Variants in TRIM21 observed in about 807,000 individuals in gnomAD.
TRIM21 encodes tripartite motif containing 21, also known as E3 ubiquitin-protein ligase TRIM21.
TRIM21 carries 35 observed loss-of-function variants against 36.1 expected under a neutral mutation model. The ratio of observed to expected loss-of-function variants is 0.97; its 90% confidence interval spans 0.74 to 1.28. TRIM21 has a LOEUF of 1.28. Among genes scored for constraint, TRIM21 ranks in the 50% most tolerant of loss-of-function variants. The pLI is 0.00. For missense variants in TRIM21, 635 were observed against 570.7 expected (o/e 1.11, Z -1.15); for synonymous variants, 256 against 211.5 (o/e 1.21, Z -1.83).
chr11:4,385,147 C>T lies in TRIM21; in HGVS notation c.*138G>A. ...AGGAATGTTGATGGTGAAGTGACTT[C>T]CCTGCTAAAGCTCGCTTGCTGGGAT... is the stretch of plus-strand genomic sequence containing the variant. On this transcript the variant is annotated 3_prime_UTR_variant, in exon 7 of 7. Transcript: ENST00000254436. The T allele has an allele frequency of 1.3e-6, 1 of 785,496 alleles. No homozygotes were observed. The highest frequency in any genetic ancestry group is 2.0e-5 in the South Asian group (1 of 49,900). 48.7% of individuals were successfully genotyped at this position (785,496 alleles called of 1,614,324 possible). A position where few individuals can be genotyped will look rare whatever the true frequency, so the allele number is the denominator to read the frequency against.
In TRIM21 at chr11:4,385,323, G is replaced by T; in HGVS notation, c.1390C>A (p.Pro464Thr). The change falls in exon 7 of 7, where the codon CCA (proline) becomes ACA (threonine). Residue 464 changes from proline to threonine, a missense_variant. Coordinates refer to ENST00000254436, the MANE Select transcript of TRIM21 (RefSeq NM_003141.4). Reference protein sequence around the residue: ...GKNTAPLTLCPLNIGSQGSTD... With the variant: ...GKNTAPLTLCTLNIGSQGSTD... ...GATCCTTGTGATCCAATATTCAGTG[G>T]ACAGAGGGTTAGAGGGGCTGTGTTT... 6.2e-7 allele frequency: 1 copy of T among 1,613,244 alleles called. No homozygotes were observed. The highest frequency in any genetic ancestry group is 8.5e-7 in the Non-Finnish European group (1 of 1,179,826).
intron 6 of TRIM21, 56 bp downstream of exon 6, chr11:4,386,101 A>T: frequency 6.4e-7 from 1 of 1,556,016 alleles, no homozygotes; most frequent in Non-Finnish European, 8.8e-7. Context: ...AGGCTCCCTG[A>T]CCCTGGGATC....
chr11:4,386,135 G>A (rs760050565), intron 6 of TRIM21, 22 bp downstream of exon 6: 78 of 1,609,496 alleles, frequency 4.8e-5, no homozygotes, highest in South Asian at 2.4e-4. Context: ...ATTATCCCCC[G>A]CAAAACTAGA....
chr11:4,387,048 C>T (rs1475673123), intron 4 of TRIM21, 58 bp from the exon 5 acceptor site: 7 of 1,536,294 alleles, frequency 4.6e-6, no homozygotes, highest in African/African-American at 2.7e-5. Flanking sequence ...ACTGAGACAT[C>T]AGCCCTGTGG....
rs556551431 is a variant in TRIM21, at chr11:4,385,305, G to T, written c.1408C>A (p.Gln470Lys). ...AGCCATCAATAGTCAGTGGATCCTT[G>T]TGATCCAATATTCAGTGGACAGAGG... Reference protein sequence around the residue: ...LTLCPLNIGSQGSTDY With the variant: ...LTLCPLNIGSKGSTDY Residue 470 changes from glutamine (Q) to lysine (K), a missense_variant, in exon 7 of 7, where the codon CAA becomes AAA. Transcript: ENST00000254436. 52 of 1,612,276 alleles carry T rather than the reference G, an allele frequency of 3.2e-5. No individual in the cohort carries two copies. Among genetic ancestry groups the T allele is most frequent in the Admixed American group, 1.0e-4 (6 of 59,964 alleles).
rs558176278 is a variant in TRIM21 at position 4,389,841 on chromosome 11, G to A, written c.409-92C>T. On this transcript the variant is annotated intron_variant, in intron 2 of 6. Transcript: ENST00000254436. ...GCATTTTCTCATGCATATCTCCTACGCCTGGGGAATGAGGTTGGGTTTAAC... is the reference window on the plus strand; with the variant it reads ...GCATTTTCTCATGCATATCTCCTACACCTGGGGAATGAGGTTGGGTTTAAC... The A allele has an allele frequency of 1.1e-4, 168 of 1,486,014 alleles. 2 individuals are homozygous for A. The highest frequency in any genetic ancestry group is 1.4e-4 in the South Asian group (12 of 88,124). The allele number at this position is 1,486,014 out of a possible 1,614,324, so 92.1% of individuals were successfully genotyped here. A position where few individuals can be genotyped will look rare whatever the true frequency, so the allele number is the denominator to read the frequency against.
intron 1 of TRIM21, among the ~76,000 whole-genome samples, chr11:4,392,192 T>G (rs2094963780): frequency 6.6e-6 from 1 of 151,896 alleles, no homozygotes; most frequent in Non-Finnish European, 1.5e-5. Flanking sequence ...CCCATAAATA[T>G]ACCTACTATG....
rs1483252342 is a variant in TRIM21 at position 4,390,138 on chromosome 11, C to T, written c.272G>A (p.Arg91Gln). 16 of 1,613,926 alleles carry T rather than the reference C, an allele frequency of 9.9e-6. No individual in the cohort carries two copies. The highest frequency in any genetic ancestry group is 1.6e-4 in the Middle Eastern group (1 of 6,084). The change falls in exon 2 of 7, where the codon CGG becomes CAG. Residue 91 changes from arginine (R) to glutamine (Q), a missense_variant. Coordinates refer to ENST00000254436, the MANE Select transcript of TRIM21 (RefSeq NM_003141.4). Reference sequence around the variant, plus strand: ...AAGTCTCTCTCCATGCACTGCACACCGTTCCCCCTGTGTGCCCTCTCTGGC... The same window carrying T: ...AAGTCTCTCTCCATGCACTGCACACTGTTCCCCCTGTGTGCCCTCTCTGGC... The part of the protein sequence containing the change: ...QEAREGTQGE[R>Q]CAVHGERLHL...
At position 4,386,984 on chromosome 11, in the gene TRIM21, T is replaced by TCA. The variant is rs1404887802; in HGVS notation, c.740_741dup (p.Ile248Ter). 18 of 1,581,700 alleles carry TCA rather than the reference T, an allele frequency of 1.1e-5. No homozygotes were observed. Among genetic ancestry groups the TCA allele is most frequent in the Non-Finnish European group, 1.5e-5 (18 of 1,162,392 alleles). On this transcript the variant is annotated frameshift_variant, in exon 5 of 7. Transcript: ENST00000254436. LOFTEE classifies it high-confidence loss of function. Reference sequence around the variant, plus strand: ...CCTCCTTACCTTTCCAGGACAATTATCACCTCCTGAGGAGAAAAGAGACAG... The same window carrying TCA: ...CCTCCTTACCTTTCCAGGACAATTATCACACCTCCTGAGGAGAAAAGAGACAG...
At chr11:4,386,642 G>C (rs1231947420) in intron 5 of TRIM21, among the ~76,000 whole-genome samples, 1 of 152,168 alleles carries the variant, frequency 6.6e-6, no homozygotes, top group Non-Finnish European at 1.5e-5. Context: ...TAACTGGTTA[G>C]ATTCCACTGA....
chr11:4,391,933 A>C (rs1184165621), intron 1 of TRIM21, among the ~76,000 whole-genome samples: 1 of 151,508 alleles, frequency 6.6e-6, no homozygotes, highest in African/African-American at 2.4e-5. Flanking sequence ...GGCTGGGAAG[A>C]GTAATAGGGA....
At chr11:4,391,370 A>G (rs1440658547) in intron 1 of TRIM21, among the ~76,000 whole-genome samples, 2 of 152,244 alleles carry the variant, frequency 1.3e-5, no homozygotes, top group Non-Finnish European at 2.9e-5. Context: ...CAAAACTACA[A>G]TGAGATATAA....
At chr11:4,389,799 G>A (rs768291073) in intron 2 of TRIM21, 50 bp from the exon 3 acceptor site, 3 of 1,567,840 alleles carry the variant, frequency 1.9e-6, no homozygotes, top group South Asian at 1.1e-5. Context: ...AAGTAATAGG[G>A]TGGGGTAATC....
Position 4,386,239 on chromosome 11 carries a change from C to CA in TRIM21, c.776dup (p.Lys260GlufsTer63). The CA allele has an allele frequency of 6.2e-7, 1 of 1,613,914 alleles. No individual in the cohort carries two copies. The highest frequency in any genetic ancestry group is 8.5e-7 in the Non-Finnish European group (1 of 1,179,846). On this transcript the variant is annotated frameshift_variant, in exon 6 of 7. Coordinates refer to ENST00000254436, the MANE Select transcript of TRIM21 (RefSeq NM_003141.4). LOFTEE classifies it high-confidence loss of function. ...CTGGAGAGGTAATATCCAGGTCCTTCAGGTTCCAGGACTCACTCCTGGGGG... is the reference window on the plus strand; with the variant it reads ...CTGGAGAGGTAATATCCAGGTCCTTCAAGGTTCCAGGACTCACTCCTGGGGG...
intron 5 of TRIM21, 102 bp from the exon 6 acceptor site, chr11:4,386,359 A>T: frequency 1.0e-6 from 1 of 991,586 alleles, no homozygotes; most frequent in Non-Finnish European, 1.6e-6. Flanking sequence ...ATTCAACTCA[A>T]ATTTACAAAG....
chr11:4,389,879 T>C, intron 2 of TRIM21, 123 bp downstream of exon 2: 2 of 1,497,202 alleles, frequency 1.3e-6, no homozygotes, highest in Non-Finnish European at 1.8e-6. Context: ...ATAATTCTCC[T>C]CCTACATTAG....
At chr11:4,391,544 C>G (rs2094963063) in intron 1 of TRIM21, among the ~76,000 whole-genome samples, 1 of 151,944 alleles carries the variant, frequency 6.6e-6, no homozygotes, top group Non-Finnish European at 1.5e-5. Flanking sequence ...GAAGATAGAG[C>G]TACCATATGA....
At chr11:4,387,265 T>TTC (rs1554891703) in intron 4 of TRIM21, among the ~76,000 whole-genome samples, 37,584 of 149,800 alleles carry the variant, frequency 0.25, 5,543 homozygotes, top group East Asian at 0.41. Flanking sequence ...TTTTTTTTTT[T>TTC]CCCCAGGGGA....
In TRIM21 at chr11:4,385,300, T is replaced by C. The variant is rs372074275; in HGVS notation, c.1413A>G (p.Gly471=). 15 of 1,611,706 alleles carry C rather than the reference T, an allele frequency of 9.3e-6. No individual in the cohort carries two copies. Among genetic ancestry groups the C allele is most frequent in the Non-Finnish European group, 1.3e-5 (15 of 1,179,340 alleles). The change falls in exon 7 of 7, where the codon GGA becomes GGG. Residue 471 remains glycine, a synonymous_variant. Transcript: ENST00000254436. ...GAGAAAGCCATCAATAGTCAGTGGA[T>C]CCTTGTGATCCAATATTCAGTGGAC... ...TLCPLNIGSQ[G]STDY
Sources: gnomAD v4.1 joint callset for allele counts (sites outside exome capture counted in the v4.1 genomes callset) on GRCh38, gnomAD v4.1.1 for gene constraint, MANE v1.5 for transcripts, NCBI Gene and HGNC (gene_info 2026-07-23, HGNC 2026-07-21) for gene names.